The following DNAJC3 variants were observed in gnomAD, a reference collection of about 807,000 sequenced individuals.
DNAJC3 encodes the protein dnaJ homolog subfamily C member 3.
Under a neutral mutation model 68.6 loss-of-function variants are expected in DNAJC3, and 38 were observed. The ratio of observed to expected loss-of-function variants is 0.55; its 90% CI spans 0.43 to 0.73. DNAJC3 has a LOEUF of 0.73. DNAJC3 is among the 30% of genes least tolerant of loss of function. DNAJC3 has a pLI of 0.00. For missense variants in DNAJC3, 526 were observed against 591.9 expected (o/e 0.89, Z 1.16); for synonymous variants, 203 against 204.0 (o/e 1.00, Z 0.04).
chr13:95,737,282 C>CT (rs1379703771), intron 4 of DNAJC3, among the ~76,000 whole-genome samples: 1 of 152,078 alleles, frequency 6.6e-6, no homozygotes, highest in African/African-American at 2.4e-5. Context: ...CTAAAATTCT[C>CT]TTTTTTTGTT....
At chr13:95,754,139 G>T (rs1199118940) in intron 4 of DNAJC3, among the ~76,000 whole-genome samples, 1 of 152,196 alleles carries the variant, frequency 6.6e-6, no homozygotes, top group Admixed American at 6.5e-5. Flanking sequence ...GCTGCTTACT[G>T]CAGGGTCATG....
At chr13:95,713,791 C>T (rs1249487700) in intron 2 of DNAJC3, among the ~76,000 whole-genome samples, 1 of 152,140 alleles carries the variant, frequency 6.6e-6, no homozygotes, top group Non-Finnish European at 1.5e-5. Flanking sequence ...AAATAGCAAC[C>T]CCTTCTTCCT....
rs970485162 is a variant in DNAJC3 at position 95,766,731 on chromosome 13, A to G, written c.1075+2778A>G. Among the ~76,000 whole-genome samples the G allele has an allele frequency of 2.0e-5, 3 of 147,486 alleles. No individual in the cohort carries two copies. In the East Asian group the frequency reaches 6.0e-4, roughly 29 times the overall value. ...TTTTTTTGAGATGGAGTCTTGCTCTATAGCCCAGGCTGGAGTGCAGTGGCA... is the reference window on the plus strand; with the variant it reads ...TTTTTTTGAGATGGAGTCTTGCTCTGTAGCCCAGGCTGGAGTGCAGTGGCA... On this transcript the variant is annotated intron_variant, in intron 9 of 11. Coordinates refer to ENST00000602402, the MANE Select transcript of DNAJC3 (RefSeq NM_006260.5).
intron 9 of DNAJC3, among the ~76,000 whole-genome samples, chr13:95,777,206 C>T (rs1193046072): frequency 6.6e-6 from 1 of 152,112 alleles, no homozygotes; most frequent in Non-Finnish European, 1.5e-5. Flanking sequence ...TGCCATGTAT[C>T]TCGTAGTTAT....
chr13:95,758,429 A>G (rs1200552961), intron 5 of DNAJC3, among the ~76,000 whole-genome samples: 1 of 151,172 alleles, frequency 6.6e-6, no homozygotes, highest in African/African-American at 2.4e-5. Flanking sequence ...TGAGGCCAGG[A>G]GTTTGAGACT....
intron 4 of DNAJC3, among the ~76,000 whole-genome samples, chr13:95,757,272 G>A (rs917951942): frequency 1.3e-5 from 2 of 152,128 alleles, no homozygotes; most frequent in East Asian, 1.9e-4. Context: ...GGAACTATAA[G>A]TAGAAGGCAA....
chr13:95,737,447 G>A (rs1341714419), intron 4 of DNAJC3, among the ~76,000 whole-genome samples: 2 of 151,134 alleles, frequency 1.3e-5, no homozygotes, highest in Non-Finnish European at 3.0e-5. Flanking sequence ...AATCCATCTG[G>A]TCCTGGACTC....
In DNAJC3 at chr13:95,723,541, G is replaced by A. The variant is rs114500136; in HGVS notation, c.318+175G>A. 2.2e-3 allele frequency among the ~76,000 whole-genome samples: 332 copies of A among 152,284 alleles called. 5 individuals carry two copies. The highest frequency in any genetic ancestry group is 0.01 in the Middle Eastern group (3 of 294). On this transcript the variant is annotated intron_variant, in intron 3 of 11. Coordinates refer to ENST00000602402, the MANE Select transcript of DNAJC3 (RefSeq NM_006260.5). ...AAAGTCCCTAGAATCAAAGATCTGT[G>A]TGAAAGAGAACAGCGGGTACATTAG... is the stretch of plus-strand genomic sequence containing the variant.
chr13:95,752,357 TTTA>T (rs1321182909), intron 4 of DNAJC3, among the ~76,000 whole-genome samples: 1 of 152,170 alleles, frequency 6.6e-6, no homozygotes, highest in Non-Finnish European at 1.5e-5. Flanking sequence ...AAAACCAAAT[TTTA>T]TTATTAAGAG....
In DNAJC3 at chr13:95,794,492, A is replaced by G. The variant is rs1304004095; in HGVS notation, c.*3462A>G. On this transcript the variant is annotated 3_prime_UTR_variant, in exon 12 of 12. Transcript: ENST00000602402. ...TTTCCAAATTTATAAAGGAAGGAAG[A>G]AGGCAAATGTTAATTTGCCAACAAC... 2.0e-5 allele frequency: 3 copies of G among 152,266 alleles called. No individual in the cohort carries two copies. The highest frequency in any genetic ancestry group is 4.4e-5 in the Non-Finnish European group (3 of 68,048). The allele number at this position is 152,266 out of a possible 1,614,324, so 9.4% of individuals were successfully genotyped here.
chr13:95,769,942 G>A (rs1412094917), intron 9 of DNAJC3, among the ~76,000 whole-genome samples: 1 of 152,192 alleles, frequency 6.6e-6, no homozygotes, highest in Non-Finnish European at 1.5e-5. Context: ...TAGTCAAGCA[G>A]TATTATTCAG....
chr13:95,734,296 A>T (rs1359449476), intron 4 of DNAJC3, among the ~76,000 whole-genome samples: 1 of 152,172 alleles, frequency 6.6e-6, no homozygotes, highest in Non-Finnish European at 1.5e-5. Flanking sequence ...TGCTGGGTGT[A>T]GTATTGTTGG....
chr13:95,758,327 A>C (rs1203478410), intron 5 of DNAJC3, among the ~76,000 whole-genome samples: 1 of 151,814 alleles, frequency 6.6e-6, no homozygotes, highest in African/African-American at 2.4e-5. Flanking sequence ...ACAGAATGGG[A>C]CCCTGCCTCT....
At chr13:95,692,819 A>C (rs1880313806) in intron 1 of DNAJC3, 1 of 148,322 alleles carries the variant, frequency 6.7e-6, no homozygotes, top group Non-Finnish European at 1.5e-5. Flanking sequence ...ATCTGCACCC[A>C]TGCCTTTTTT....
intron 1 of DNAJC3, among the ~76,000 whole-genome samples, chr13:95,683,497 G>A (rs370448084): frequency 6.6e-6 from 1 of 152,108 alleles, no homozygotes; most frequent in African/African-American, 2.4e-5. Context: ...GTCTTCCTCC[G>A]GCTCTGGCCA....
chr13:95,785,337 C>T (rs1442878098), intron 9 of DNAJC3, among the ~76,000 whole-genome samples: 1 of 151,938 alleles, frequency 6.6e-6, no homozygotes, highest in Non-Finnish European at 1.5e-5. Flanking sequence ...AACATATTTA[C>T]CCAGAGGGTA....
At chr13:95,776,599 C>T (rs1883298282) in intron 9 of DNAJC3, among the ~76,000 whole-genome samples, 1 of 152,086 alleles carries the variant, frequency 6.6e-6, no homozygotes. Flanking sequence ...TGCGATTTGG[C>T]CTGTATTTTG....
chr13:95,791,366 A>C lies in DNAJC3; in HGVS notation c.*336A>C. ...CTGGAGCTGAGATTCTTCTCTTCAC[A>C]GCCTTGCAGAGTAAGTCAGTGCCTA... On this transcript the variant is annotated 3_prime_UTR_variant, in exon 12 of 12. Transcript: ENST00000602402. The C allele has an allele frequency of 3.2e-6, 1 of 308,462 alleles. No individual in the cohort carries two copies. The highest frequency in any genetic ancestry group is 6.1e-6 in the Non-Finnish European group (1 of 163,642). The allele number at this position is 308,462 out of a possible 1,614,324, so 19.1% of individuals were successfully genotyped here. A position where few individuals can be genotyped will look rare whatever the true frequency, so the allele number is the denominator to read the frequency against.
Position 95,794,520 on chromosome 13 carries a change from A to C in DNAJC3, c.*3490A>C, listed in dbSNP as rs2139707486. 1 of 152,380 alleles carries C rather than the reference A, an allele frequency of 6.6e-6. No individual in the cohort carries two copies. The highest frequency in any genetic ancestry group is 2.1e-4 in the South Asian group (1 of 4,834). The allele number at this position is 152,380 out of a possible 1,614,324, so 9.4% of individuals were successfully genotyped here. A position where few individuals can be genotyped will look rare whatever the true frequency, so the allele number is the denominator to read the frequency against. On this transcript the variant is annotated 3_prime_UTR_variant, in exon 12 of 12. Coordinates refer to ENST00000602402, the MANE Select transcript of DNAJC3 (RefSeq NM_006260.5). ...GCAAATGTTAATTTGCCAACAACGA[A>C]TATCCTTTTTCTAAATCAGATCATT...
Sources: allele counts gnomAD v4.1 joint callset (sites outside exome capture counted in the v4.1 genomes callset), GRCh38; gene constraint gnomAD v4.1.1; transcripts MANE v1.5; gene names NCBI Gene and HGNC (gene_info 2026-07-23, HGNC 2026-07-21).